Variants in TNS3 observed in about 807,000 individuals in gnomAD.
TNS3 encodes tensin 3.
Under a neutral mutation model 140.9 loss-of-function variants are expected in TNS3, and 45 were observed. The observed-to-expected ratio is 0.32, with a 90% confidence interval of 0.25 to 0.41. The LOEUF is 0.41. Among genes scored for constraint, TNS3 ranks in the 10% least tolerant of loss-of-function variants. The pLI, the probability that TNS3 is intolerant of heterozygous loss-of-function variation, is 1.00. For missense variants in TNS3, 1,716 were observed against 1,906.7 expected, an observed-to-expected ratio of 0.90 and a Z score of 1.86; for synonymous variants, 815 against 788.4, an observed-to-expected ratio of 1.03 and a Z score of -0.56.
intron 3 of TNS3, 60 bp downstream of exon 3, chr7:47,506,847 C>T (rs1798434954): frequency 1.6e-6 from 2 of 1,235,400 alleles, no homozygotes; most frequent in Admixed American, 4.8e-5. Context: ...CCACACATAT[C>T]ATTCAATGAA....
chr7:47,498,531 G>C (rs1338791044), intron 3 of TNS3, among the ~76,000 whole-genome samples: 1 of 152,118 alleles, frequency 6.6e-6, no homozygotes, highest in Non-Finnish European at 1.5e-5. Context: ...AACACAATGT[G>C]GAATGAAAAC....
chr7:47,379,286 A>C (rs1221448453), intron 16 of TNS3, among the ~76,000 whole-genome samples: 2 of 152,296 alleles, frequency 1.3e-5, no homozygotes, highest in East Asian at 3.9e-4. Flanking sequence ...GTATTATCTT[A>C]CCCATAGCAT....
chr7:47,286,242 CTGA>C (rs1201645498), intron 27 of TNS3, among the ~76,000 whole-genome samples: 2 of 152,284 alleles, frequency 1.3e-5, no homozygotes, highest in South Asian at 2.1e-4. Flanking sequence ...AGATGGCTTT[CTGA>C]TGAGGAGCAG....
At chr7:47,502,260 C>G (rs982598685) in intron 3 of TNS3, among the ~76,000 whole-genome samples, 3 of 152,086 alleles carry the variant, frequency 2.0e-5, no homozygotes, top group African/African-American at 4.8e-5. Context: ...CCAGCAGGCC[C>G]GTATCCCACT....
At chr7:47,302,328 C>T (rs1786454445) in intron 22 of TNS3, 56 bp from the exon 23 acceptor site, 3 of 1,368,740 alleles carry the variant, frequency 2.2e-6, no homozygotes, top group African/African-American at 1.4e-5. Flanking sequence ...TTCTTGCAAC[C>T]TCTCATCTGC....
At chr7:47,523,856 G>T (rs181816227) in intron 2 of TNS3, among the ~76,000 whole-genome samples, 1 of 152,310 alleles carries the variant, frequency 6.6e-6, no homozygotes, top group East Asian at 1.9e-4. Flanking sequence ...GGGACCATGG[G>T]GACAGACCCT....
At chr7:47,484,419 G>A (rs1797536304) in intron 3 of TNS3, among the ~76,000 whole-genome samples, 1 of 152,182 alleles carries the variant, frequency 6.6e-6, no homozygotes, top group African/African-American at 2.4e-5. Flanking sequence ...CCTGAAAAGA[G>A]ACTGTATTTC....
At chr7:47,337,083 C>T (rs1169047764) in intron 20 of TNS3, among the ~76,000 whole-genome samples, 4 of 152,168 alleles carry the variant, frequency 2.6e-5, no homozygotes, top group African/African-American at 9.7e-5. Context: ...AAGTCCCTGG[C>T]CTGTCTGTAG....
chr7:47,436,620 T>G (rs1007676040), intron 7 of TNS3, among the ~76,000 whole-genome samples: 6 of 152,236 alleles, frequency 3.9e-5, no homozygotes, highest in Non-Finnish European at 7.4e-5. Flanking sequence ...TTAAAAATTT[T>G]TTAAAAAATG....
chr7:47,382,044 G>A (rs773022860), intron 16 of TNS3, among the ~76,000 whole-genome samples: 1 of 152,192 alleles, frequency 6.6e-6, no homozygotes, highest in Non-Finnish European at 1.5e-5. Flanking sequence ...GTCTAGATAT[G>A]GCTAGGGGGT....
chr7:47,498,850 G>C (rs754032808), intron 3 of TNS3, among the ~76,000 whole-genome samples: 7 of 152,230 alleles, frequency 4.6e-5, no homozygotes, highest in Non-Finnish European at 1.0e-4. Context: ...CCTGTGGAAT[G>C]CCAGCAGGGT....
chr7:47,574,634 C>CACAT (rs1241580196), intron 1 of TNS3, among the ~76,000 whole-genome samples: 1 of 151,862 alleles, frequency 6.6e-6, no homozygotes, highest in Non-Finnish European at 1.5e-5. Flanking sequence ...CAGACACACA[C>CACAT]ACACACACAC....
chr7:47,503,678 G>A (rs1798309594), intron 3 of TNS3, among the ~76,000 whole-genome samples: 1 of 152,074 alleles, frequency 6.6e-6, no homozygotes, highest in Non-Finnish European at 1.5e-5. Flanking sequence ...TTTTTATGCA[G>A]GAAGAAAGTG....
At chr7:47,403,499 T>G (rs2151364506) in intron 13 of TNS3, 1 of 152,354 alleles carries the variant, frequency 6.6e-6, no homozygotes. Flanking sequence ...GGCCCTCCCT[T>G]CAGGGGTTTC....
chr7:47,290,311 T>C (rs1402475168), intron 27 of TNS3, among the ~76,000 whole-genome samples: 2 of 152,226 alleles, frequency 1.3e-5, no homozygotes, highest in East Asian at 1.9e-4. Context: ...GGTGGTGACT[T>C]TTAAGATACA....
intron 20 of TNS3, among the ~76,000 whole-genome samples, chr7:47,337,607 AT>A (rs1788704119): frequency 6.6e-6 from 1 of 152,204 alleles, no homozygotes; most frequent in Non-Finnish European, 1.5e-5. Context: ...TTCTGAAACC[AT>A]TTGGTCTGTT....
At chr7:47,381,047 A>G (rs1262944702) in intron 16 of TNS3, among the ~76,000 whole-genome samples, 3 of 152,202 alleles carry the variant, frequency 2.0e-5, no homozygotes, top group South Asian at 2.1e-4. Flanking sequence ...TGGTGCACTC[A>G]GGTTGAGTGA....
At chr7:47,373,688 G>A (rs1179536650) in intron 16 of TNS3, among the ~76,000 whole-genome samples, 1 of 152,208 alleles carries the variant, frequency 6.6e-6, no homozygotes, top group African/African-American at 2.4e-5. Context: ...CTGGAACTCA[G>A]GCTCACTGAG....
At chr7:47,400,303 A>T in intron 15 of TNS3, 90 bp downstream of exon 15, 1 of 1,017,512 alleles carries the variant, frequency 9.8e-7, no homozygotes, top group South Asian at 1.4e-5. Flanking sequence ...GCACAAAGGC[A>T]GGAGACTAGT....
Sources: allele counts gnomAD v4.1 joint callset (sites outside exome capture counted in the v4.1 genomes callset), GRCh38; gene constraint gnomAD v4.1.1; transcripts MANE v1.5; gene names NCBI Gene and HGNC (gene_info 2026-07-23, HGNC 2026-07-21).